Variants in ZSWIM6 observed in about 807,000 individuals in gnomAD.
The protein encoded by ZSWIM6 is zinc finger SWIM domain-containing protein 6.
ZSWIM6 carries 9 observed loss-of-function variants against 113.2 expected under a neutral mutation model. The observed-to-expected ratio is 0.08, with a 90% CI of 0.05 to 0.14. The LOEUF is 0.14. Among genes scored for constraint, ZSWIM6 ranks in the 10% least tolerant of loss-of-function variants. ZSWIM6 has a pLI of 1.00. For missense variants in ZSWIM6, 1,162 were observed against 1,552.2 expected (o/e 0.75, Z 4.22); for synonymous variants, 611 against 606.5 (o/e 1.01, Z -0.11).
chr5:61,474,081 A>G (rs1747645738), intron 2 of ZSWIM6, among the ~76,000 whole-genome samples: 1 of 152,212 alleles, frequency 6.6e-6, no homozygotes, highest in African/African-American at 2.4e-5. Flanking sequence ...GAGGGCTCCA[A>G]GTACCCCCTT....
intron 1 of ZSWIM6, among the ~76,000 whole-genome samples, chr5:61,425,626 AT>A (rs749157231): frequency 2.6e-5 from 4 of 152,262 alleles, no homozygotes; most frequent in Non-Finnish European, 4.4e-5. Flanking sequence ...AAGGAGTAAG[AT>A]TAACTTTTGT....
intron 1 of ZSWIM6, among the ~76,000 whole-genome samples, chr5:61,415,868 A>C (rs1047307354): frequency 6.6e-6 from 1 of 152,238 alleles, no homozygotes; most frequent in African/African-American, 2.4e-5. Flanking sequence ...GGTTTGTTTT[A>C]AACAACTGAG....
chr5:61,464,997 G>A (rs1235167762), intron 1 of ZSWIM6, among the ~76,000 whole-genome samples: 2 of 152,210 alleles, frequency 1.3e-5, no homozygotes, highest in African/African-American at 2.4e-5. Flanking sequence ...GGAAGCAGCA[G>A]TGAACTGAGG....
rs188123792 is a variant in ZSWIM6 at position 61,429,775 on chromosome 5, G to T, written c.677-42906G>T. Among the ~76,000 whole-genome samples the T allele has an allele frequency of 4.6e-5, 7 of 152,268 alleles. No individual in the cohort carries two copies. In the East Asian group the frequency reaches 1.4e-3, roughly 29 times the overall value. ...CTAGGAGGAAGAAGCATGTGGTAAG[G>T]CCTGAGGACAGGGACATCCAAGGAC... On this transcript the variant is annotated intron_variant, in intron 1 of 13. Coordinates refer to ENST00000252744, the MANE Select transcript of ZSWIM6 (RefSeq NM_020928.2).
intron 1 of ZSWIM6, among the ~76,000 whole-genome samples, chr5:61,430,084 C>A (rs2112134134): frequency 1.3e-5 from 2 of 151,934 alleles, no homozygotes; most frequent in Admixed American, 1.3e-4. Context: ...TGAAAGGAGG[C>A]CTTTGTGGTT....
At position 61,538,866 on chromosome 5, in the gene ZSWIM6, C is replaced by T; in HGVS notation, c.2434C>T (p.His812Tyr). The change falls in exon 11 of 14, where the codon CAC (histidine) becomes TAC (tyrosine). Residue 812 changes from histidine to tyrosine, a missense_variant. His to Tyr is a moderately conservative substitution (Grantham distance 83, BLOSUM62 2). This residue lies in a region of ZSWIM6 where 620 missense variants were observed against 804.6 expected (regional missense o/e 0.77). Transcript: ENST00000252744. Reference protein sequence around the residue: ...APSGDLTRPHHIASVVPNRYP... With the variant: ...APSGDLTRPHYIASVVPNRYP... ...ATCAGGAGACCTCACCCGCCCACAC[C>T]ACATTGCATCAGTTGTTCCCAACCG... 1 of 1,552,324 alleles carries T rather than the reference C, an allele frequency of 6.4e-7. No individual in the cohort carries two copies. Among genetic ancestry groups the T allele is most frequent in the East Asian group, 2.4e-5 (1 of 40,916 alleles).
chr5:61,357,971 A>G (rs1744954000), intron 1 of ZSWIM6, among the ~76,000 whole-genome samples: 1 of 152,192 alleles, frequency 6.6e-6, no homozygotes, highest in South Asian at 2.1e-4. Flanking sequence ...ATCTTATGGC[A>G]GACGTGGGAA....
intron 2 of ZSWIM6, among the ~76,000 whole-genome samples, chr5:61,478,389 C>T (rs528390571): frequency 3.0e-4 from 45 of 152,302 alleles, no homozygotes; most frequent in African/African-American, 1.0e-3. Context: ...AAGGCAGCCA[C>T]TGTGGACAGC....
At chr5:61,525,549 G>A (rs1749251612) in intron 5 of ZSWIM6, among the ~76,000 whole-genome samples, 4 of 152,136 alleles carry the variant, frequency 2.6e-5, no homozygotes, top group South Asian at 2.1e-4. Context: ...TTTGCAGGAC[G>A]CCTTTAACCT....
rs113560846 is a variant in ZSWIM6 at position 61,542,575 on chromosome 5, C to T, written c.2785+610C>T. Among the ~76,000 whole-genome samples the T allele has an allele frequency of 2.5e-4, 38 of 152,278 alleles. 1 individual carries two copies. Among genetic ancestry groups the T allele is most frequent in the African/African-American group, 9.1e-4 (38 of 41,554 alleles). On this transcript the variant is annotated intron_variant, in intron 13 of 13. Coordinates refer to ENST00000252744, the MANE Select transcript of ZSWIM6 (RefSeq NM_020928.2). ...TTCATATTTGCATCAGAAAGGGATA[C>T]ATACTTCATGCTGAGAAAACACTGC...
At chr5:61,421,873 T>C (rs1373026490) in intron 1 of ZSWIM6, among the ~76,000 whole-genome samples, 1 of 152,242 alleles carries the variant, frequency 6.6e-6, no homozygotes, top group Admixed American at 6.5e-5. Context: ...CTTTAGCCAG[T>C]ATGTCATCAA....
chr5:61,478,857 T>C (rs1747779114), intron 2 of ZSWIM6, among the ~76,000 whole-genome samples: 1 of 152,164 alleles, frequency 6.6e-6, no homozygotes, highest in African/African-American at 2.4e-5. Context: ...AAGTTATAAG[T>C]AAAACTTGAT....
chr5:61,354,428 A>G (rs1270193351), intron 1 of ZSWIM6, among the ~76,000 whole-genome samples: 1 of 152,218 alleles, frequency 6.6e-6, no homozygotes, highest in Non-Finnish European at 1.5e-5. Context: ...AAGTTATAGG[A>G]TGAATAATTA....
At chr5:61,511,358 A>G (rs1246343023) in intron 4 of ZSWIM6, among the ~76,000 whole-genome samples, 1 of 152,110 alleles carries the variant, frequency 6.6e-6, no homozygotes, top group Admixed American at 6.6e-5. Context: ...AAAATCATAG[A>G]ACTCATTGTT....
At chr5:61,356,972 T>C (rs2112047520) in intron 1 of ZSWIM6, among the ~76,000 whole-genome samples, 1 of 151,650 alleles carries the variant, frequency 6.6e-6, no homozygotes, top group East Asian at 1.9e-4. Flanking sequence ...CGTAAGATGG[T>C]CAATTCTTTG....
At chr5:61,391,271 G>C in intron 1 of ZSWIM6, 1 of 885,808 alleles carries the variant, frequency 1.1e-6, no homozygotes, top group South Asian at 1.3e-5. Flanking sequence ...TGCTGCTCAA[G>C]CCTCTCGTGG....
At chr5:61,497,794 G>A (rs936637716) in intron 4 of ZSWIM6, among the ~76,000 whole-genome samples, 3 of 152,186 alleles carry the variant, frequency 2.0e-5, no homozygotes, top group African/African-American at 7.2e-5. Context: ...GAGGTTGTAC[G>A]TTTGATAGAA....
At chr5:61,421,403 C>T (rs1746352631) in intron 1 of ZSWIM6, among the ~76,000 whole-genome samples, 1 of 152,094 alleles carries the variant, frequency 6.6e-6, no homozygotes, top group South Asian at 2.1e-4. Flanking sequence ...AACATAATGA[C>T]CTCCAGTTCC....
At chr5:61,334,849 A>C (rs976712644) in intron 1 of ZSWIM6, among the ~76,000 whole-genome samples, 2 of 149,790 alleles carry the variant, frequency 1.3e-5, no homozygotes, top group Non-Finnish European at 3.0e-5. Flanking sequence ...AGTATAACAA[A>C]CTAGAGTCTG....
Sources: gnomAD v4.1 joint callset for allele counts (sites outside exome capture counted in the v4.1 genomes callset) on GRCh38, gnomAD v4.1.1 for gene constraint, gnomAD v4.1.1 regional missense constraint, MANE v1.5 for transcripts, NCBI Gene and HGNC (gene_info 2026-07-23, HGNC 2026-07-21) for gene names.